PCDH15: variants seen among roughly 807,000 people sequenced by gnomAD.
PCDH15 encodes protocadherin-15.
PCDH15 carries 129 observed loss-of-function variants against 178.5 expected under a neutral mutation model. That is an observed-to-expected ratio of 0.72 (90% CI 0.63 to 0.84). The LOEUF (loss-of-function observed/expected upper bound fraction) is 0.84, where lower values mean the gene tolerates loss of function less well. Ranked by LOEUF, PCDH15 falls within the 40% of genes least tolerant of loss-of-function variation. The pLI, the probability that PCDH15 is intolerant of heterozygous loss-of-function variation, is 0.00. For synonymous variants in PCDH15, 800 were observed against 732.0 expected (o/e 1.09, Z -1.50); for missense variants, 2,230 against 2,099.9 (o/e 1.06, Z -1.21).
chr10:54,300,909 G>T (rs1315719878), intron 8 of PCDH15, among the ~76,000 whole-genome samples: 1 of 152,260 alleles, frequency 6.6e-6, no homozygotes, highest in East Asian at 1.9e-4. Context: ...ACCTGTTTGG[G>T]TCCCCTTGCA....
At chr10:54,442,415 TA>T (rs369150293) in intron 3 of PCDH15, among the ~76,000 whole-genome samples, 24,229 of 39,910 alleles carry the variant, frequency 0.61, 6,469 homozygotes, top group Non-Finnish European at 0.62. Context: ...CCTTAAAGGC[TA>T]TATATATATA....
rs116614664 is a variant in PCDH15 at position 53,814,941 on chromosome 10, C to T, written c.4491+1298G>A. On this transcript the variant is annotated intron_variant, in intron 35 of 37. Transcript: ENST00000644397. ...ATTATGCCACTGCACTCCAGCCTGG[C>T]GATGGAACAAGAATCTGTCTCAAAA... 3.0e-3 allele frequency among the ~76,000 whole-genome samples: 428 copies of T among 142,958 alleles called. 4 individuals carry two copies. Among genetic ancestry groups the T allele is most frequent in the African/African-American group, 0.011 (400 of 37,846 alleles). 93.8% of individuals were successfully genotyped at this position (142,958 alleles called of 152,430 possible).
At chr10:54,382,439 T>G (rs565891804) in intron 3 of PCDH15, among the ~76,000 whole-genome samples, 1 of 152,278 alleles carries the variant, frequency 6.6e-6, no homozygotes, top group Admixed American at 6.5e-5. Flanking sequence ...TAGCTAGCCC[T>G]TTCTTTTTAA....
chr10:54,668,959 A>T (rs1158555126), intron 1 of PCDH15, among the ~76,000 whole-genome samples: 1 of 152,154 alleles, frequency 6.6e-6, no homozygotes, highest in Non-Finnish European at 1.5e-5. Flanking sequence ...AAAGCTACAA[A>T]ACTAAAACTT....
At chr10:54,122,038 C>CACACACACACACAG (rs2041572715) in intron 15 of PCDH15, among the ~76,000 whole-genome samples, 1 of 139,246 alleles carries the variant, frequency 7.2e-6, no homozygotes, top group Admixed American at 7.1e-5. Context: ...CACACAGAGA[C>CACACACACACACAG]AGACACACAC....
intron 26 of PCDH15, among the ~76,000 whole-genome samples, chr10:53,898,180 G>T (rs560090309): frequency 9.9e-4 from 150 of 151,690 alleles, no homozygotes; most frequent in African/African-American, 3.5e-3. Context: ...TGTTAGCCAG[G>T]ATGGTCTGGA....
chr10:54,789,342 TG>T (rs1748570536), intron 1 of PCDH15, among the ~76,000 whole-genome samples: 1 of 151,860 alleles, frequency 6.6e-6, no homozygotes, highest in South Asian at 2.1e-4. Flanking sequence ...CCTGATGAGT[TG>T]TCTAACAGCT....
chr10:55,149,379 C>T (rs972288188), intron 2 of PCDH15, among the ~76,000 whole-genome samples: 2 of 151,526 alleles, frequency 1.3e-5, no homozygotes, highest in East Asian at 1.9e-4. Context: ...TTACCAAAAA[C>T]GTATAACCTT....
chr10:55,471,854 G>A (rs1462546571), intron 2 of PCDH15, among the ~76,000 whole-genome samples: 3 of 152,072 alleles, frequency 2.0e-5, no homozygotes, highest in Non-Finnish European at 4.4e-5. Context: ...CTTATATGCA[G>A]GACTATTTTT....
chr10:55,102,598 C>G (rs1842598710), intron 2 of PCDH15, among the ~76,000 whole-genome samples: 1 of 152,006 alleles, frequency 6.6e-6, no homozygotes, highest in South Asian at 2.1e-4. Flanking sequence ...CTGTACTCTC[C>G]TATTTGGCGA....
chr10:55,185,384 C>G (rs1397057675), intron 1 of PCDH15, among the ~76,000 whole-genome samples: 2 of 151,680 alleles, frequency 1.3e-5, no homozygotes, highest in African/African-American at 2.4e-5. Context: ...AACTAGGCCT[C>G]TTAAATTTGC....
At chr10:55,443,963 A>T (rs372654822) in intron 2 of PCDH15, among the ~76,000 whole-genome samples, 294 of 152,236 alleles carry the variant, frequency 1.9e-3, no homozygotes, top group African/African-American at 6.7e-3. Context: ...CATAAAAAAG[A>T]ATGAGTTCAT....
At chr10:55,155,911 A>G (rs1838874520) in intron 2 of PCDH15, among the ~76,000 whole-genome samples, 2 of 152,108 alleles carry the variant, frequency 1.3e-5, no homozygotes, top group South Asian at 4.1e-4. Flanking sequence ...TTCAATAGAG[A>G]TATTTTTCAC....
At chr10:55,506,596 A>G (rs954615046) in intron 2 of PCDH15, among the ~76,000 whole-genome samples, 1 of 151,526 alleles carries the variant, frequency 6.6e-6, no homozygotes, top group South Asian at 2.1e-4. Context: ...AGGTAACTAG[A>G]AGAGGTATCG....
At chr10:54,380,684 A>C in intron 3 of PCDH15, among the ~76,000 whole-genome samples, 3 of 94,834 alleles carry the variant, frequency 3.2e-5, no homozygotes, top group Non-Finnish European at 6.2e-5. Flanking sequence ...CCATATATAT[A>C]TGCTCCATAT....
At chr10:54,469,744 G>C (rs9416359) in intron 3 of PCDH15, among the ~76,000 whole-genome samples, 2,395 of 152,214 alleles carry the variant, frequency 0.016, 63 homozygotes, top group African/African-American at 0.055. Flanking sequence ...GGGTGGGTGA[G>C]TGGGTCCTCT....
intron 14 of PCDH15, among the ~76,000 whole-genome samples, chr10:54,150,766 G>A (rs2044450248): frequency 6.6e-6 from 1 of 151,802 alleles, no homozygotes; most frequent in East Asian, 1.9e-4. Context: ...GGGATTTCTT[G>A]TGTTTTTATT....
At chr10:54,837,980 A>G (rs1953346656) in intron 3 of PCDH15, among the ~76,000 whole-genome samples, 2 of 152,044 alleles carry the variant, frequency 1.3e-5, no homozygotes, top group Non-Finnish European at 2.9e-5. Context: ...ACCCCTTTCA[A>G]TCATAACCTA....
In PCDH15 at chr10:53,866,529, TTA is replaced by T. The variant is rs1268928436; in HGVS notation, c.3717+111_3717+112del. ...CTAACAATCTGAGTGAAAATAATAA[TTA>T]TGTTTTTGAAAACCCGTTTTAAATT... On this transcript the variant is annotated intron_variant, in intron 27 of 37. Coordinates refer to ENST00000644397, the MANE Select transcript of PCDH15 (RefSeq NM_001384140.1). 5 of 742,330 alleles carry T rather than the reference TTA, an allele frequency of 6.7e-6. No homozygotes were observed. The African/African-American group carries it at 8.8e-5, about 13-fold the overall frequency. The allele number at this position is 742,330 out of a possible 1,614,324, so 46.0% of individuals were successfully genotyped here. A position where few individuals can be genotyped will look rare whatever the true frequency, so the allele number is the denominator to read the frequency against.
Sources: allele counts gnomAD v4.1 joint callset (sites outside exome capture counted in the v4.1 genomes callset), GRCh38; gene constraint gnomAD v4.1.1; transcripts MANE v1.5; gene names NCBI Gene and HGNC (gene_info 2026-07-23, HGNC 2026-07-21).